The following MYO3B variants were observed in gnomAD, a reference collection of about 807,000 sequenced individuals.
MYO3B encodes myosin IIIB.
A neutral mutation model predicts 174.6 loss-of-function variants in MYO3B; 156 were observed. The ratio of observed to expected loss-of-function variants is 0.89; its 90% CI spans 0.78 to 1.02. The LOEUF (loss-of-function observed/expected upper bound fraction) is 1.02. MYO3B is among the 50% of genes least tolerant of loss of function. MYO3B has a pLI of 0.00. For synonymous variants in MYO3B, 563 were observed against 569.1 expected (o/e 0.99, Z 0.15); for missense variants, 1,632 against 1,639.4 (o/e 1.00, Z 0.08).
chr2:170,614,534 G>A (rs543072498), intron 32 of MYO3B, among the ~76,000 whole-genome samples: 65 of 152,242 alleles, frequency 4.3e-4, no homozygotes, highest in African/African-American at 1.5e-3. Context: ...TCTCTCACCA[G>A]CACTTACTCC....
chr2:170,178,940 C>T (rs528832100), intron 1 of MYO3B, among the ~76,000 whole-genome samples: 2 of 152,238 alleles, frequency 1.3e-5, no homozygotes. Flanking sequence ...TTCCATTATG[C>T]CATGATTCTT....
intron 28 of MYO3B, among the ~76,000 whole-genome samples, chr2:170,505,181 T>C (rs1687546337): frequency 6.6e-6 from 1 of 150,790 alleles, no homozygotes; most frequent in African/African-American, 2.4e-5. Context: ...TTATGAGATG[T>C]AGGGGGGAGA....
chr2:170,529,043 T>C (rs989379621), intron 30 of MYO3B, among the ~76,000 whole-genome samples: 12 of 152,312 alleles, frequency 7.9e-5, no homozygotes, highest in South Asian at 6.2e-4. Flanking sequence ...TCCAAAAAAT[T>C]GCTGTTTAAT....
In MYO3B at chr2:170,399,473, C is replaced by CA. The variant is rs11296778; in HGVS notation, c.1792-700dup. 2.2e-3 allele frequency among the ~76,000 whole-genome samples: 267 copies of CA among 123,580 alleles called. 2 individuals are homozygous for CA. The highest frequency in any genetic ancestry group is 7.4e-3 in the South Asian group (32 of 4,318). The allele number at this position is 123,580 out of a possible 152,430, so 81.1% of individuals were successfully genotyped here. A position where few individuals can be genotyped will look rare whatever the true frequency, so the allele number is the denominator to read the frequency against. On this transcript the variant is annotated intron_variant, in intron 16 of 34. Transcript: ENST00000408978. ...AGGGTGACAGAGCAAGACTCTATCTCAAAAAAAAAAAAAAAGGTTAATTAT... is the reference window on the plus strand; with the variant it reads ...AGGGTGACAGAGCAAGACTCTATCTCAAAAAAAAAAAAAAAAGGTTAATTAT...
intron 22 of MYO3B, among the ~76,000 whole-genome samples, chr2:170,436,504 G>T (rs1324313140): frequency 2.0e-5 from 3 of 152,040 alleles, no homozygotes; most frequent in Non-Finnish European, 2.9e-5. Flanking sequence ...GTTCTTTCTG[G>T]GCTATTAATC....
intron 30 of MYO3B, among the ~76,000 whole-genome samples, chr2:170,528,437 C>A (rs1050945885): frequency 6.6e-6 from 1 of 152,152 alleles, no homozygotes; most frequent in African/African-American, 2.4e-5. Context: ...GATGGAGTTT[C>A]GCTCTATCGC....
rs772907697 is a variant in MYO3B, at chr2:170,325,521, C to G, written c.750-9864C>G. 2.3e-4 allele frequency among the ~76,000 whole-genome samples: 35 copies of G among 152,190 alleles called. No homozygotes were observed. In the Middle Eastern group the frequency reaches 0.014, roughly 59 times the overall value. On this transcript the variant is annotated intron_variant, in intron 7 of 34. Transcript: ENST00000408978. ...CTACGCCTGGCCTAAGTTAAACATT[C>G]TTTATATTAAATTTTCTTTGTTCAA...
intron 7 of MYO3B, among the ~76,000 whole-genome samples, chr2:170,302,469 A>T (rs942321726): frequency 7.9e-5 from 12 of 152,238 alleles, no homozygotes; most frequent in African/African-American, 2.9e-4. Flanking sequence ...CCACCTAGTG[A>T]CAATGGCCCC....
intron 1 of MYO3B, among the ~76,000 whole-genome samples, chr2:170,179,399 G>A (rs551311168): frequency 6.6e-6 from 1 of 152,088 alleles, no homozygotes; most frequent in Non-Finnish European, 1.5e-5. Flanking sequence ...CTTTACCATG[G>A]TTATGGTTTG....
chr2:170,238,589 C>T (rs141976995), intron 7 of MYO3B, among the ~76,000 whole-genome samples: 1 of 152,010 alleles, frequency 6.6e-6, no homozygotes, highest in East Asian at 1.9e-4. Flanking sequence ...TCCTCACTGA[C>T]CTTTTCCCGG....
At chr2:170,609,822 C>T (rs569302184) in intron 32 of MYO3B, among the ~76,000 whole-genome samples, 1 of 152,332 alleles carries the variant, frequency 6.6e-6, no homozygotes, top group South Asian at 2.1e-4. Context: ...AGAGGAACTT[C>T]AGCCCTGCCT....
At chr2:170,309,456 T>C (rs2093723297) in intron 7 of MYO3B, among the ~76,000 whole-genome samples, 1 of 152,222 alleles carries the variant, frequency 6.6e-6, no homozygotes, top group South Asian at 2.1e-4. Context: ...TAACTCTAAC[T>C]TATCTTTTCT....
chr2:170,555,543 AG>A (rs1485472817), intron 32 of MYO3B, among the ~76,000 whole-genome samples: 1 of 152,160 alleles, frequency 6.6e-6, no homozygotes, highest in African/African-American at 2.4e-5. Context: ...TACAGTATAT[AG>A]CCATTTCTGA....
At chr2:170,209,322 T>G (rs2092746895) in intron 3 of MYO3B, among the ~76,000 whole-genome samples, 1 of 152,174 alleles carries the variant, frequency 6.6e-6, no homozygotes, top group Non-Finnish European at 1.5e-5. Context: ...GAGTATACCT[T>G]AATCATTAAA....
chr2:170,540,119 C>T (rs967319535), intron 30 of MYO3B, among the ~76,000 whole-genome samples: 1 of 152,016 alleles, frequency 6.6e-6, no homozygotes, highest in African/African-American at 2.4e-5. Context: ...GCCAGGAGTT[C>T]GAGACCAGCC....
chr2:170,417,649 G>T (rs1261597696), intron 22 of MYO3B, among the ~76,000 whole-genome samples: 1 of 152,186 alleles, frequency 6.6e-6, no homozygotes, highest in East Asian at 1.9e-4. Flanking sequence ...CTGGCTCCCA[G>T]TGGTTTTCTG....
intron 32 of MYO3B, among the ~76,000 whole-genome samples, chr2:170,552,860 G>A (rs1480312065): frequency 6.6e-6 from 1 of 152,154 alleles, no homozygotes; most frequent in Non-Finnish European, 1.5e-5. Context: ...CCACTGCTCT[G>A]TGCAGCCTCA....
chr2:170,272,180 T>C (rs1044816554), intron 7 of MYO3B, among the ~76,000 whole-genome samples: 1 of 151,736 alleles, frequency 6.6e-6, no homozygotes, highest in African/African-American at 2.4e-5. Flanking sequence ...CTTGGGAACA[T>C]GTTAGAAATG....
chr2:170,233,808 T>G (rs2355345), intron 6 of MYO3B, among the ~76,000 whole-genome samples: 137,856 of 152,214 alleles, frequency 0.91, 62,627 homozygotes, highest in Non-Finnish European at 0.93. Context: ...AATGCACTGT[T>G]TCTGGAAGAG....
Sources: gnomAD v4.1 joint callset for allele counts (sites outside exome capture counted in the v4.1 genomes callset) on GRCh38, gnomAD v4.1.1 for gene constraint, MANE v1.5 for transcripts, NCBI Gene and HGNC (gene_info 2026-07-23, HGNC 2026-07-21) for gene names.